CSMD1: variants seen among roughly 807,000 people sequenced by gnomAD.
CSMD1 encodes the protein CUB and sushi domain-containing protein 1.
A neutral mutation model predicts 417.5 loss-of-function variants in CSMD1; 213 were observed. The observed-to-expected ratio is 0.51, with a 90% CI of 0.46 to 0.57. CSMD1 has a LOEUF of 0.57. CSMD1 is among the 20% of genes least tolerant of loss of function. The probability of loss-of-function intolerance (pLI) is 0.00; values close to 1 mark genes in which losing one functional copy is unlikely to be tolerated. For synonymous variants in CSMD1, 2,862 were observed against 1,736.8 expected (o/e 1.65, Z -16.11); for missense variants, 6,923 against 4,529.7 (o/e 1.53, Z -15.17).
intron 7 of CSMD1, among the ~76,000 whole-genome samples, chr8:3,693,503 G>A (rs945037549): frequency 1.1e-4 from 16 of 152,146 alleles, no homozygotes; most frequent in South Asian, 2.1e-4. Context: ...GCAGGCAGCC[G>A]CCTGGAGATT....
intron 37 of CSMD1, among the ~76,000 whole-genome samples, chr8:3,168,103 T>G (rs558566900): frequency 2.7e-5 from 4 of 148,098 alleles, no homozygotes; most frequent in Non-Finnish European, 5.9e-5. Flanking sequence ...AACAAAAAAG[T>G]TGATAAGCAG....
intron 5 of CSMD1, among the ~76,000 whole-genome samples, chr8:3,790,026 C>G (rs145868567): frequency 2.0e-5 from 3 of 152,112 alleles, no homozygotes; most frequent in Non-Finnish European, 4.4e-5. Context: ...CCACCATGCC[C>G]GGCCGATCAT....
intron 7 of CSMD1, among the ~76,000 whole-genome samples, chr8:3,634,536 C>G (rs1337922679): frequency 6.6e-6 from 1 of 152,108 alleles, no homozygotes; most frequent in South Asian, 2.1e-4. Flanking sequence ...TACCTCTTCC[C>G]TTTTTTGCCT....
At chr8:2,959,754 G>A (rs1425615449) in intron 62 of CSMD1, among the ~76,000 whole-genome samples, 1 of 152,062 alleles carries the variant, frequency 6.6e-6, no homozygotes, top group Non-Finnish European at 1.5e-5. Context: ...AGCATATGGT[G>A]CTAAAGAAAA....
intron 2 of CSMD1, among the ~76,000 whole-genome samples, chr8:4,425,917 A>G (rs542825770): frequency 7.0e-4 from 107 of 152,228 alleles, no homozygotes; most frequent in African/African-American, 2.5e-3. Flanking sequence ...GTAATTTTTT[A>G]GTGTTTTACA....
At chr8:4,124,624 C>A (rs1208746638) in intron 3 of CSMD1, among the ~76,000 whole-genome samples, 1 of 152,162 alleles carries the variant, frequency 6.6e-6, no homozygotes, top group African/African-American at 2.4e-5. Context: ...ACAGCCAGAC[C>A]TCACTGGCAA....
chr8:3,436,262 A>C (rs899663226), intron 12 of CSMD1, among the ~76,000 whole-genome samples: 5 of 152,222 alleles, frequency 3.3e-5, no homozygotes, highest in Non-Finnish European at 7.3e-5. Flanking sequence ...AGTCTCTCTT[A>C]CCAACGCGAT....
Position 4,205,901 on chromosome 8 carries a change from G to C in CSMD1, c.416-173802C>G, listed in dbSNP as rs144799904. ...CTATTATGCACTGTGCAGAAAATCA[G>C]TACCGAGTCCTCCTGCAGCCACGTT... is the stretch of plus-strand genomic sequence containing the variant. On this transcript the variant is annotated intron_variant, in intron 3 of 69. Transcript: ENST00000635120. Among the ~76,000 whole-genome samples the C allele has an allele frequency of 3.9e-5, 6 of 152,222 alleles. No homozygotes were observed. In the East Asian group the frequency reaches 1.2e-3, roughly 29 times the overall value.
intron 1 of CSMD1, among the ~76,000 whole-genome samples, chr8:4,742,057 GTCTC>G (rs1216255193): frequency 1.0e-5 from 1 of 98,146 alleles, no homozygotes; most frequent in African/African-American, 3.9e-5. Flanking sequence ...TTGAGACGGA[GTCTC>G]TCTCTGTCGC....
At position 3,975,845 on chromosome 8, in the gene CSMD1, G is replaced by C. The variant is rs564450775; in HGVS notation, c.818+22058C>G. On this transcript the variant is annotated intron_variant, in intron 5 of 69. Transcript: ENST00000635120. Reference sequence around the variant, plus strand: ...ATACATTCTTCATATAAAATTTTTAGTTATTGTTGTCCTTCATTTTTCCAC... The same window carrying C: ...ATACATTCTTCATATAAAATTTTTACTTATTGTTGTCCTTCATTTTTCCAC... 1.1e-4 allele frequency among the ~76,000 whole-genome samples: 16 copies of C among 152,188 alleles called. No individual in the cohort carries two copies. In the East Asian group the frequency reaches 1.7e-3, roughly 17 times the overall value.
intron 5 of CSMD1, among the ~76,000 whole-genome samples, chr8:3,866,496 T>G (rs935629611): frequency 6.6e-6 from 1 of 152,190 alleles, no homozygotes; most frequent in Non-Finnish European, 1.5e-5. Context: ...TCCTGTTGGG[T>G]GCCTGACGTG....
At chr8:3,709,691 T>TGC (rs1192751481) in intron 6 of CSMD1, among the ~76,000 whole-genome samples, 7 of 119,526 alleles carry the variant, frequency 5.9e-5, no homozygotes, top group Non-Finnish European at 1.1e-4. Context: ...TTTTTTTTTT[T>TGC]TTTTTTTTTT....
At chr8:4,852,552 G>T (rs1054728443) in intron 1 of CSMD1, among the ~76,000 whole-genome samples, 1 of 152,084 alleles carries the variant, frequency 6.6e-6, no homozygotes, top group Admixed American at 6.5e-5. Flanking sequence ...TTTCTACATG[G>T]AAATTCAAAA....
chr8:4,550,448 A>G (rs1797820908), intron 2 of CSMD1, among the ~76,000 whole-genome samples: 1 of 151,962 alleles, frequency 6.6e-6, no homozygotes, highest in African/African-American at 2.4e-5. Flanking sequence ...ACTGTAAACT[A>G]AAGGTATTGC....
intron 7 of CSMD1, among the ~76,000 whole-genome samples, chr8:3,660,725 T>G (rs1277762715): frequency 7.1e-6 from 1 of 140,556 alleles, no homozygotes; most frequent in Non-Finnish European, 1.6e-5. Context: ...TTCACCATGT[T>G]GGTCAGGGTG....
intron 3 of CSMD1, among the ~76,000 whole-genome samples, chr8:4,196,451 G>A (rs973760124): frequency 5.9e-5 from 9 of 152,104 alleles, no homozygotes; most frequent in South Asian, 2.1e-4. Context: ...GCCTCTTAGG[G>A]AAAATCTGTC....
chr8:4,507,820 G>T (rs73496668), intron 2 of CSMD1, among the ~76,000 whole-genome samples: 1 of 152,132 alleles, frequency 6.6e-6, no homozygotes, highest in Non-Finnish European at 1.5e-5. Context: ...CTGCTTGTAT[G>T]ACCAAAAGGT....
intron 1 of CSMD1, among the ~76,000 whole-genome samples, chr8:4,829,995 C>A (rs186101702): frequency 5.6e-4 from 86 of 152,272 alleles, no homozygotes; most frequent in African/African-American, 1.9e-3. Context: ...CTTGTCTTTC[C>A]GTGCTCTCGT....
At chr8:4,834,492 G>C (rs1048715922) in intron 1 of CSMD1, among the ~76,000 whole-genome samples, 1 of 152,150 alleles carries the variant, frequency 6.6e-6, no homozygotes, top group African/African-American at 2.4e-5. Context: ...AGTGAAGTTC[G>C]AGCTGAGTTG....
Sources: allele counts gnomAD v4.1 joint callset (sites outside exome capture counted in the v4.1 genomes callset), GRCh38; gene constraint gnomAD v4.1.1; transcripts MANE v1.5; gene names NCBI Gene and HGNC (gene_info 2026-07-23, HGNC 2026-07-21).